ANKRD31: variants seen among roughly 807,000 people sequenced by gnomAD.
ANKRD31 encodes ankyrin repeat domain 31.
Under a neutral mutation model 186.0 loss-of-function variants are expected in ANKRD31, and 147 were observed. That is an observed-to-expected ratio of 0.79 (90% CI 0.69 to 0.91). The LOEUF (loss-of-function observed/expected upper bound fraction) is 0.91. ANKRD31 is among the 40% of genes least tolerant of loss of function. ANKRD31 has a pLI of 0.00. For synonymous variants in ANKRD31, 673 were observed against 736.4 expected (o/e 0.91, Z 1.39); for missense variants, 1,986 against 2,148.8 (o/e 0.92, Z 1.50).
At chr5:75,103,896 A>G (rs1747115906) in intron 22 of ANKRD31, among the ~76,000 whole-genome samples, 2 of 152,230 alleles carry the variant, frequency 1.3e-5, no homozygotes, top group Non-Finnish European at 2.9e-5. Flanking sequence ...TAGCTAATGC[A>G]TGCTGGGCTT....
chr5:75,146,665 T>C lies in ANKRD31; in HGVS notation c.2746A>G (p.Lys916Glu). Residue 916 changes from lysine (K) to glutamate (E), a missense_variant, in exon 14 of 26, where the codon AAA becomes GAA. Transcript: ENST00000506364. ...CSTSEKAITS[K>E]KVLCSTGGKK... ...CCACCTGTAGAACACAACACCTTTT[T>C]AGATGTTATAGCCTTCTCAGAGGTA... The C allele has an allele frequency of 6.5e-7, 1 of 1,536,140 alleles. No individual in the cohort carries two copies.
chr5:75,068,527 T>C lies in ANKRD31; in HGVS notation c.5785A>G (p.Thr1929Ala), dbSNP rs1438586216. 2 of 1,505,636 alleles carry C rather than the reference T, an allele frequency of 1.3e-6. No homozygotes were observed. Among genetic ancestry groups the C allele is most frequent in the African/African-American group, 1.4e-5 (1 of 71,838 alleles). 93.3% of individuals were successfully genotyped at this position (1,505,636 alleles called of 1,614,324 possible). Residue 1929 changes from threonine to alanine, a missense_variant, in exon 26 of 26, where the codon ACA becomes GCA. Transcript: ENST00000506364. ...WKFCVECEEL[T>A]P ...ATTAAGAAACCAAGGTTTTAGGGTG[T>C]TAGTTCCTCACATTCCACACAAAAC...
At chr5:75,205,308 T>TA (rs1310434408) in intron 5 of ANKRD31, among the ~76,000 whole-genome samples, 2 of 152,262 alleles carry the variant, frequency 1.3e-5, no homozygotes, top group East Asian at 3.8e-4. Context: ...CCTGGGTTTT[T>TA]ATCCCTACTT....
Position 75,154,341 on chromosome 5 carries a change from G to A in ANKRD31, c.1712C>T (p.Ala571Val), listed in dbSNP as rs1298381608. The change falls in exon 12 of 26, where the codon GCA (alanine) becomes GTA (valine). Residue 571 changes from alanine to valine, a missense_variant. Ala to Val is a moderately conservative substitution (Grantham distance 64). Transcript: ENST00000506364. ...DAVMNGHYKV[A>V]ELLLLNGADP... is the part of the protein sequence containing the mutation. ...AGCTCCATTCAGAAGAAGTAACTCT[G>A]CCACCTAGAAAAAGGTTATTTATGT... The A allele has an allele frequency of 6.6e-7, 1 of 1,526,384 alleles. No homozygotes were observed. The highest frequency in any genetic ancestry group is 2.1e-5 in the Admixed American group (1 of 48,466). 94.6% of individuals were successfully genotyped at this position (1,526,384 alleles called of 1,614,324 possible). A position where few individuals can be genotyped will look rare whatever the true frequency, so the allele number is the denominator to read the frequency against.
chr5:75,111,383 T>A (rs187420373), intron 20 of ANKRD31, among the ~76,000 whole-genome samples: 35 of 152,246 alleles, frequency 2.3e-4, no homozygotes, highest in Admixed American at 1.8e-3. Flanking sequence ...AAATAGTAAA[T>A]GAAATAAATA....
chr5:75,206,583 G>A, intron 4 of ANKRD31, 96 bp from the exon 5 acceptor site: 2 of 566,838 alleles, frequency 3.5e-6, no homozygotes, highest in East Asian at 4.4e-5. Flanking sequence ...CACTTAAAGG[G>A]CTTTCCAAAT....
At chr5:75,199,205 C>T (rs1580540577) in intron 6 of ANKRD31, among the ~76,000 whole-genome samples, 1 of 152,124 alleles carries the variant, frequency 6.6e-6, no homozygotes, top group African/African-American at 2.4e-5. Flanking sequence ...GAGACTTTAT[C>T]TCACTGGGGA....
chr5:75,084,458 A>G (rs1580290467), intron 23 of ANKRD31, 84 bp from the exon 24 acceptor site: 3 of 1,097,132 alleles, frequency 2.7e-6, no homozygotes, highest in Admixed American at 2.0e-5. Flanking sequence ...TGTAATTTTT[A>G]TAAGGTTTTG....
chr5:75,172,784 T>A (rs1315268830), intron 10 of ANKRD31, among the ~76,000 whole-genome samples: 2 of 152,102 alleles, frequency 1.3e-5, no homozygotes, highest in Non-Finnish European at 2.9e-5. Flanking sequence ...CCAGACAGAT[T>A]CACAGCCGAA....
At chr5:75,200,297 CTT>C (rs373390533) in intron 5 of ANKRD31, among the ~76,000 whole-genome samples, 1 of 144,080 alleles carries the variant, frequency 6.9e-6, no homozygotes, top group African/African-American at 2.6e-5. Flanking sequence ...TTCTTTCTTT[CTT>C]TTTTTTTTTT....
intron 25 of ANKRD31, among the ~76,000 whole-genome samples, chr5:75,073,595 T>C (rs1012948523): frequency 2.6e-5 from 4 of 152,228 alleles, no homozygotes; most frequent in African/African-American, 9.6e-5. Context: ...TTTGTTAGCT[T>C]AGTAATTTCT....
chr5:75,182,859 C>G (rs1477922853), intron 10 of ANKRD31, among the ~76,000 whole-genome samples: 3 of 152,080 alleles, frequency 2.0e-5, no homozygotes, highest in Admixed American at 6.5e-5. Context: ...CAAGGAAAAG[C>G]CAGTATCCTA....
At chr5:75,143,911 T>C (rs1751237466) in intron 15 of ANKRD31, 90 bp downstream of exon 15, 1 of 394,282 alleles carries the variant, frequency 2.5e-6, no homozygotes, top group Non-Finnish European at 4.5e-6. Context: ...AGAAACAATA[T>C]ATCTGAAAGT....
intron 6 of ANKRD31, among the ~76,000 whole-genome samples, chr5:75,199,103 G>A (rs1755651425): frequency 2.0e-5 from 3 of 152,278 alleles, no homozygotes; most frequent in South Asian, 2.1e-4. Context: ...AGCTACTGGG[G>A]AAGCTGAGGT....
chr5:75,171,673 T>A (rs975018430), intron 10 of ANKRD31, among the ~76,000 whole-genome samples: 16 of 148,768 alleles, frequency 1.1e-4, no homozygotes, highest in Non-Finnish European at 2.1e-4. Context: ...TTGAAAAAAA[T>A]CAATAAAATT....
rs1166396416 is a variant in ANKRD31 at position 75,224,161 on chromosome 5, GTA to G, written c.179-1805_179-1804del. Among the ~76,000 whole-genome samples the G allele has an allele frequency of 1.3e-3, 47 of 36,082 alleles. 1 individual carries two copies. The highest frequency in any genetic ancestry group is 2.5e-3 in the Admixed American group (8 of 3,184). 23.7% of individuals were successfully genotyped at this position (36,082 alleles called of 152,430 possible). A position where few individuals can be genotyped will look rare whatever the true frequency, so the allele number is the denominator to read the frequency against. Reference sequence around the variant, plus strand: ...TATATATATATATATATATATATATGTATATATATATATATATACACACATTT... The same window carrying G: ...TATATATATATATATATATATATATGTATATATATATATATACACACATTT... On this transcript the variant is annotated intron_variant, in intron 2 of 25. Coordinates refer to ENST00000506364, the MANE Select transcript of ANKRD31 (RefSeq NM_001372053.1).
At chr5:75,156,571 G>A (rs373269521) in intron 11 of ANKRD31, among the ~76,000 whole-genome samples, 1 of 152,090 alleles carries the variant, frequency 6.6e-6, no homozygotes, top group Non-Finnish European at 1.5e-5. Flanking sequence ...AAAGACCTTT[G>A]CAAATATGAT....
At chr5:75,148,407 T>C (rs969243316) in intron 13 of ANKRD31, among the ~76,000 whole-genome samples, 169 bp downstream of exon 13, 2 of 151,848 alleles carry the variant, frequency 1.3e-5, no homozygotes, top group Admixed American at 6.6e-5. Flanking sequence ...TGCCATAAAC[T>C]AACAGCCCAG....
chr5:75,207,348 T>C (rs1756324434), intron 4 of ANKRD31, among the ~76,000 whole-genome samples: 1 of 152,284 alleles, frequency 6.6e-6, no homozygotes, highest in African/African-American at 2.4e-5. Flanking sequence ...AAAGTGTGAT[T>C]TTTTAAGAAC....
Sources: gnomAD v4.1 joint callset for allele counts (sites outside exome capture counted in the v4.1 genomes callset) on GRCh38, gnomAD v4.1.1 for gene constraint, MANE v1.5 for transcripts, NCBI Gene and HGNC (gene_info 2026-07-23, HGNC 2026-07-21) for gene names.